FBN2: variants seen among roughly 807,000 people sequenced by gnomAD.
The protein encoded by FBN2 is fibrillin-2.
In FBN2, 105 loss-of-function variants were observed where a neutral mutation model predicts 355.6. That is an observed-to-expected ratio of 0.30 (90% CI 0.25 to 0.35). The LOEUF is 0.35. Among genes scored for constraint, FBN2 ranks in the 10% least tolerant of loss-of-function variants. The probability of loss-of-function intolerance (pLI) is 1.00; values close to 1 mark genes in which losing one functional copy is unlikely to be tolerated. For missense variants in FBN2, 3,280 were observed against 3,758.7 expected (o/e 0.87, Z 3.33); for synonymous variants, 1,350 against 1,301.2 (o/e 1.04, Z -0.81).
At chr5:128,482,533 C>T (rs950721487) in intron 5 of FBN2, among the ~76,000 whole-genome samples, 1 of 152,014 alleles carries the variant, frequency 6.6e-6, no homozygotes, top group Non-Finnish European at 1.5e-5. Context: ...ACACATTATT[C>T]GCAATACGAA....
intron 62 of FBN2, 77 bp downstream of exon 62, chr5:128,271,922 C>A: frequency 2.6e-6 from 4 of 1,551,838 alleles, no homozygotes; most frequent in South Asian, 2.2e-5. Flanking sequence ...AAATCTCAAC[C>A]CTCACAATTT....
intron 53 of FBN2, 109 bp downstream of exon 53, chr5:128,288,329 A>T: frequency 7.6e-7 from 1 of 1,320,444 alleles, no homozygotes. Context: ...AAAAAACCCC[A>T]CCGTATGCTC....
At chr5:128,263,206 A>C (rs1489593022) in intron 63 of FBN2, among the ~76,000 whole-genome samples, 2 of 152,180 alleles carry the variant, frequency 1.3e-5, no homozygotes, top group Non-Finnish European at 2.9e-5. Flanking sequence ...ATTTACATAC[A>C]AGTTCAAGTT....
chr5:128,281,207 C>T (rs185692860), intron 55 of FBN2, among the ~76,000 whole-genome samples: 206 of 152,200 alleles, frequency 1.4e-3, no homozygotes, highest in Non-Finnish European at 2.3e-3. Context: ...ATCTTTTAAC[C>T]AGCAGTTTAA....
At chr5:128,347,882 G>A (rs868818380) in intron 23 of FBN2, among the ~76,000 whole-genome samples, 5 of 152,020 alleles carry the variant, frequency 3.3e-5, no homozygotes, top group Non-Finnish European at 7.4e-5. Context: ...AGGTTCAAGC[G>A]ATTCTCCTGC....
chr5:128,427,980 G>A (rs1391997733), intron 7 of FBN2, among the ~76,000 whole-genome samples: 1 of 152,072 alleles, frequency 6.6e-6, no homozygotes, highest in African/African-American at 2.4e-5. Flanking sequence ...CTCAGTTAAT[G>A]GCAATTTCAA....
At chr5:128,448,409 C>A (rs979641668) in intron 6 of FBN2, among the ~76,000 whole-genome samples, 2 of 151,976 alleles carry the variant, frequency 1.3e-5, no homozygotes, top group Non-Finnish European at 2.9e-5. Context: ...CAGGTTCAAG[C>A]GATTCTCCTG....
intron 19 of FBN2, among the ~76,000 whole-genome samples, chr5:128,359,870 T>G (rs1292769531): frequency 2.2e-5 from 1 of 46,472 alleles, no homozygotes; most frequent in Admixed American, 2.8e-4. Flanking sequence ...TCAGAACCTT[T>G]GTACTCTGTT....
chr5:128,305,776 T>A, intron 43 of FBN2, 47 bp downstream of exon 43: 1 of 1,608,504 alleles, frequency 6.2e-7, no homozygotes, highest in South Asian at 1.1e-5. Context: ...ATGCTATATA[T>A]GTATACCAAA....
intron 34 of FBN2, 71 bp from the exon 35 acceptor site, chr5:128,319,072 T>A (rs1383365972): frequency 7.9e-7 from 1 of 1,266,964 alleles, no homozygotes; most frequent in Non-Finnish European, 1.1e-6. Context: ...ATGTCTAACA[T>A]TAGCGCATTT....
At chr5:128,413,414 CAG>C (rs929387926) in intron 7 of FBN2, among the ~76,000 whole-genome samples, 9 of 152,154 alleles carry the variant, frequency 5.9e-5, no homozygotes, top group South Asian at 4.1e-4. Context: ...ACTGTGAAAA[CAG>C]GGGGATTGTC....
chr5:128,344,790 T>TC, intron 24 of FBN2, among the ~76,000 whole-genome samples: 1 of 150,182 alleles, frequency 6.7e-6, no homozygotes, highest in African/African-American at 2.4e-5. Context: ...AACCTCCACC[T>TC]CCCAGGTTCA....
intron 11 of FBN2, among the ~76,000 whole-genome samples, chr5:128,387,791 G>A (rs1752407574): frequency 6.6e-6 from 1 of 152,116 alleles, no homozygotes; most frequent in African/African-American, 2.4e-5. Flanking sequence ...TATGTGCTAT[G>A]TTACAGATGA....
intron 6 of FBN2, among the ~76,000 whole-genome samples, chr5:128,448,242 T>C (rs985788003): frequency 1.3e-5 from 2 of 151,988 alleles, no homozygotes; most frequent in East Asian, 1.9e-4. Flanking sequence ...CTACTGTTCA[T>C]GAAGACTCCT....
At chr5:128,410,055 C>G (rs1753024310) in intron 7 of FBN2, among the ~76,000 whole-genome samples, 1 of 152,122 alleles carries the variant, frequency 6.6e-6, no homozygotes, top group Admixed American at 6.6e-5. Flanking sequence ...TTACCAGATT[C>G]AGACATTCTA....
At chr5:128,535,414 CA>C (rs1756819657) in intron 2 of FBN2, among the ~76,000 whole-genome samples, 1 of 152,148 alleles carries the variant, frequency 6.6e-6, no homozygotes, top group Admixed American at 6.5e-5. Flanking sequence ...TTCACAGTTG[CA>C]TAATTATTTT....
In FBN2 at chr5:128,528,779, GA is replaced by G. The variant is rs1756634409; in HGVS notation, c.437-813del. Among the ~76,000 whole-genome samples the G allele has an allele frequency of 2.0e-5, 3 of 152,304 alleles. No homozygotes were observed. The South Asian group carries it at 6.2e-4, about 32-fold the overall frequency. On this transcript the variant is annotated intron_variant, in intron 3 of 64. Coordinates refer to ENST00000262464, the MANE Select transcript of FBN2 (RefSeq NM_001999.4). ...ATTGAAAGGATTTAAATGAGAAAGT[GA>G]AGTGATGTAATCTATATTTTAAAAA...
rs565903659 is a variant in FBN2, at chr5:128,324,334, A to T, written c.4471+4362T>A. Among the ~76,000 whole-genome samples, 7 of 152,092 alleles carry T rather than the reference A, an allele frequency of 4.6e-5. No homozygotes were observed. The East Asian group carries it at 1.4e-3, about 29-fold the overall frequency. ...ATTTCTTGTCTTCTGCTAGCTACTG[A>T]ATTTGTTTGTTCTTGCTTCTCGAGT... On this transcript the variant is annotated intron_variant, in intron 34 of 64. Coordinates refer to ENST00000262464, the MANE Select transcript of FBN2 (RefSeq NM_001999.4).
At chr5:128,337,261 A>G (rs973948348) in intron 27 of FBN2, among the ~76,000 whole-genome samples, 2 of 152,236 alleles carry the variant, frequency 1.3e-5, no homozygotes, top group Non-Finnish European at 2.9e-5. Context: ...AGGCTTATAA[A>G]TAAATATATG....
Sources: gnomAD v4.1 joint callset for allele counts (sites outside exome capture counted in the v4.1 genomes callset) on GRCh38, gnomAD v4.1.1 for gene constraint, MANE v1.5 for transcripts, NCBI Gene and HGNC (gene_info 2026-07-23, HGNC 2026-07-21) for gene names.